Variants in ZFAT observed in about 807,000 individuals in gnomAD.
ZFAT encodes zinc finger protein ZFAT.
A neutral mutation model predicts 117.7 loss-of-function variants in ZFAT; 64 were observed. That is an observed-to-expected ratio of 0.54 (90% CI 0.44 to 0.67). The LOEUF (loss-of-function observed/expected upper bound fraction) is 0.67. Among genes scored for constraint, ZFAT ranks in the 30% least tolerant of loss-of-function variants. The pLI, the probability that ZFAT is intolerant of heterozygous loss-of-function variation, is 0.00. For synonymous variants in ZFAT, 679 were observed against 615.0 expected (o/e 1.10, Z -1.54); for missense variants, 1,433 against 1,584.5 (o/e 0.90, Z 1.62).
chr8:134,737,117 C>T, the ZFAT span, among the ~76,000 whole-genome samples: 48 of 151,996 alleles, frequency 3.2e-4, no homozygotes, highest in Non-Finnish European at 6.6e-4. Flanking sequence ...CCCGTCTCTA[C>T]TAAAAATACA....
the ZFAT span, chr8:134,766,275 T>C: frequency 6.6e-6 from 1 of 152,200 alleles, no homozygotes; most frequent in Non-Finnish European, 1.5e-5. Flanking sequence ...GCAAACAACC[T>C]CCTGGACGAC....
At chr8:134,664,438 C>T (rs569401492) in intron 1 of ZFAT, among the ~76,000 whole-genome samples, 9 of 152,188 alleles carry the variant, frequency 5.9e-5, no homozygotes, top group Non-Finnish European at 1.2e-4. Context: ...AGTCAGACTC[C>T]CCAGGGGCGC....
the ZFAT span, among the ~76,000 whole-genome samples, chr8:134,804,196 G>A: frequency 6.6e-6 from 1 of 152,156 alleles, no homozygotes; most frequent in Non-Finnish European, 1.5e-5. Flanking sequence ...TGCTTTCAGG[G>A]CAGCTATATT....
chr8:134,589,425 C>A (rs917240302), intron 8 of ZFAT, among the ~76,000 whole-genome samples: 2 of 152,114 alleles, frequency 1.3e-5, no homozygotes. Flanking sequence ...AGAGCAAATA[C>A]AAAATAAAGA....
intron 1 of ZFAT, among the ~76,000 whole-genome samples, chr8:134,662,748 G>A (rs1377015996): frequency 3.9e-5 from 6 of 152,218 alleles, no homozygotes; most frequent in African/African-American, 1.4e-4. Flanking sequence ...AATAATAAGA[G>A]GTCTGGTCAG....
In ZFAT at chr8:134,478,148, T is replaced by C. The variant is rs544343243; in HGVS notation, c.*334A>G. 2 of 313,892 alleles carry C rather than the reference T, an allele frequency of 6.4e-6. No individual in the cohort carries two copies. Among genetic ancestry groups the C allele is most frequent in the Non-Finnish European group, 1.2e-5 (2 of 166,524 alleles). 19.4% of individuals were successfully genotyped at this position (313,892 alleles called of 1,614,324 possible). A position where few individuals can be genotyped will look rare whatever the true frequency, so the allele number is the denominator to read the frequency against. ...TGGGGCTGTGATTCAGGGAAGATGC[T>C]GAGGGGGACTGGGAGTCTCTGTTTG... is the stretch of plus-strand genomic sequence containing the variant. On this transcript the variant is annotated 3_prime_UTR_variant, in exon 16 of 16. Transcript: ENST00000377838. This position sits in a 1 kb window ranked among gnomAD's most constrained non-coding sequence, Gnocchi z 5.2.
At chr8:134,737,917 A>G in the ZFAT span, among the ~76,000 whole-genome samples, 1 of 152,210 alleles carries the variant, frequency 6.6e-6, no homozygotes, top group East Asian at 1.9e-4. Context: ...AGTTTCCTTA[A>G]GAGAGAGACA....
At chr8:134,605,945 G>A (rs555000956) in intron 5 of ZFAT, among the ~76,000 whole-genome samples, 134 of 152,314 alleles carry the variant, frequency 8.8e-4, no homozygotes, top group African/African-American at 1.5e-3. Context: ...GATAACGGCC[G>A]GACACTCTGA....
At chr8:134,570,652 A>C (rs66669000) in intron 10 of ZFAT, among the ~76,000 whole-genome samples, 1 of 151,958 alleles carries the variant, frequency 6.6e-6, no homozygotes, top group Admixed American at 6.6e-5. Flanking sequence ...CAGTTAATTT[A>C]CAGGAGCACC....
intron 1 of ZFAT, among the ~76,000 whole-genome samples, chr8:134,689,333 C>G (rs1358088239): frequency 6.6e-6 from 1 of 152,228 alleles, no homozygotes; most frequent in East Asian, 1.9e-4. Flanking sequence ...TACGGGGTAG[C>G]CCTGCTCCAC....
At chr8:134,772,765 T>C in the ZFAT span, among the ~76,000 whole-genome samples, 1 of 152,116 alleles carries the variant, frequency 6.6e-6, no homozygotes, top group Admixed American at 6.6e-5. Context: ...ATGCCTGGCT[T>C]CAAAGCTTCA....
chr8:134,602,684 G>T lies in ZFAT; in HGVS notation c.1035C>A (p.Ile345=), dbSNP rs746717457. Residue 345 remains isoleucine, a synonymous_variant, in exon 6 of 16, where the codon ATC becomes ATA. Coordinates refer to ENST00000377838, the MANE Select transcript of ZFAT (RefSeq NM_020863.4). The part of the protein sequence containing the change: ...CLSKGHLKVH[I]ERVHKKIKQH... The stretch of plus-strand genomic sequence containing the variant: ...GCTTGATCTTCTTGTGCACTCGCTC[G>T]ATGTGCACCTTGAGGTGGCCCTTGC... The T allele has an allele frequency of 1.2e-6, 2 of 1,614,206 alleles. No homozygotes were observed. Among genetic ancestry groups the T allele is most frequent in the South Asian group, 2.2e-5 (2 of 91,086 alleles).
At chr8:134,789,813 C>A in the ZFAT span, among the ~76,000 whole-genome samples, 1 of 152,188 alleles carries the variant, frequency 6.6e-6, no homozygotes. Flanking sequence ...TTGGTCAACT[C>A]TGGAAATTTC....
the ZFAT span, among the ~76,000 whole-genome samples, chr8:134,809,599 G>C: frequency 1.3e-5 from 2 of 152,160 alleles, no homozygotes; most frequent in African/African-American, 4.8e-5. Flanking sequence ...ACTTAAAATG[G>C]AGTGATGCTA....
the ZFAT span, among the ~76,000 whole-genome samples, chr8:134,745,757 T>C: frequency 6.6e-6 from 1 of 152,292 alleles, no homozygotes; most frequent in African/African-American, 2.4e-5. Flanking sequence ...TTACCAATAA[T>C]AGCATTACTT....
chr8:134,634,379 T>C (rs1043422952), intron 3 of ZFAT, among the ~76,000 whole-genome samples: 3 of 152,246 alleles, frequency 2.0e-5, no homozygotes, highest in Admixed American at 1.3e-4. Context: ...ATTTTCACTT[T>C]CTTAGTATTT....
At chr8:134,656,727 C>T (rs978915395) in intron 2 of ZFAT, among the ~76,000 whole-genome samples, 4 of 152,216 alleles carry the variant, frequency 2.6e-5, no homozygotes, top group Non-Finnish European at 5.9e-5. Flanking sequence ...TGCAATGGGA[C>T]ACTGACTGCT....
the ZFAT span, among the ~76,000 whole-genome samples, chr8:134,767,704 T>C: frequency 6.6e-6 from 1 of 152,226 alleles, no homozygotes; most frequent in African/African-American, 2.4e-5. Context: ...GATTTTACTG[T>C]TAAGAAGTGT....
chr8:134,481,255 C>T (rs944474216), intron 15 of ZFAT, among the ~76,000 whole-genome samples: 1 of 152,194 alleles, frequency 6.6e-6, no homozygotes, highest in Non-Finnish European at 1.5e-5. Flanking sequence ...ATCTTTTCTC[C>T]TCTTACCTGT....
Sources: gnomAD v4.1 joint callset for allele counts (sites outside exome capture counted in the v4.1 genomes callset) on GRCh38, gnomAD v4.1.1 for gene constraint, Gnocchi (gnomAD v3.1) non-coding constraint, MANE v1.5 for transcripts, NCBI Gene and HGNC (gene_info 2026-07-23, HGNC 2026-07-21) for gene names.